GPHN: variants seen among roughly 807,000 people sequenced by gnomAD.
GPHN encodes gephyrin.
In GPHN, 17 loss-of-function variants were observed where a neutral mutation model predicts 95.5. The ratio of observed to expected loss-of-function variants is 0.18; its 90% CI spans 0.12 to 0.27. GPHN has a LOEUF of 0.27. Ranked by LOEUF, GPHN falls within the 10% of genes least tolerant of loss-of-function variation. The probability of loss-of-function intolerance (pLI) is 1.00; values close to 1 mark genes in which losing one functional copy is unlikely to be tolerated. For synonymous variants in GPHN, 320 were observed against 322.5 expected, an observed-to-expected ratio of 0.99 and a Z score of 0.08; for missense variants, 660 against 978.1, an observed-to-expected ratio of 0.67 and a Z score of 4.34.
At chr14:66,610,713 A>G (rs2062744785) in intron 1 of GPHN, among the ~76,000 whole-genome samples, 1 of 152,176 alleles carries the variant, frequency 6.6e-6, no homozygotes, top group Non-Finnish European at 1.5e-5. Context: ...AGGACCACTG[A>G]CATGGGATTT....
intron 10 of GPHN, among the ~76,000 whole-genome samples, chr14:67,047,283 C>G (rs2075067436): frequency 6.6e-6 from 1 of 150,746 alleles, no homozygotes; most frequent in Admixed American, 6.6e-5. Flanking sequence ...GCTATGTTCT[C>G]TCCTATGATC....
the GPHN span, among the ~76,000 whole-genome samples, chr14:67,306,489 G>A: frequency 6.6e-6 from 1 of 150,850 alleles, no homozygotes. Flanking sequence ...GATTACAGGC[G>A]CCCGCCACCA....
intron 8 of GPHN, among the ~76,000 whole-genome samples, chr14:66,934,827 T>C (rs1373786343): frequency 6.6e-6 from 1 of 152,216 alleles, no homozygotes; most frequent in Non-Finnish European, 1.5e-5. Context: ...TTTGGTTACA[T>C]GAGCCAATAA....
the GPHN span, chr14:67,382,638 AAGG>A: frequency 6.2e-7 from 1 of 1,606,452 alleles, no homozygotes; most frequent in South Asian, 1.1e-5. Flanking sequence ...AGGTTCCTAA[AAGG>A]AGTTCTTGTA....
chr14:66,659,226 A>G (rs1031250343), intron 1 of GPHN, among the ~76,000 whole-genome samples: 2 of 151,468 alleles, frequency 1.3e-5, no homozygotes, highest in African/African-American at 4.9e-5. Flanking sequence ...TTCATGGATT[A>G]TTTAGAAGTC....
chr14:67,670,753 C>T, the GPHN span, among the ~76,000 whole-genome samples: 1 of 151,974 alleles, frequency 6.6e-6, no homozygotes, highest in African/African-American at 2.4e-5. Context: ...GGTCTCCATC[C>T]GTGACCTTGT....
chr14:67,595,910 A>G, the GPHN span, among the ~76,000 whole-genome samples: 2 of 152,188 alleles, frequency 1.3e-5, no homozygotes, highest in African/African-American at 4.8e-5. Flanking sequence ...CTTCTTGTTA[A>G]TATAAAAGGT....
chr14:66,731,274 G>A (rs945097185), intron 2 of GPHN, among the ~76,000 whole-genome samples: 9 of 152,210 alleles, frequency 5.9e-5, no homozygotes, highest in African/African-American at 2.2e-4. Context: ...AGGTGGTTGT[G>A]ACTTTGGAAC....
At chr14:67,088,857 T>A in intron 11 of GPHN, 126 bp from the exon 12 acceptor site, 1 of 698,594 alleles carries the variant, frequency 1.4e-6, no homozygotes, top group South Asian at 1.5e-5. Context: ...GGGACAGAAA[T>A]CAGGAGTTCT....
chr14:66,689,154 A>G (rs2067602917), intron 2 of GPHN, among the ~76,000 whole-genome samples: 1 of 152,200 alleles, frequency 6.6e-6, no homozygotes, highest in Non-Finnish European at 1.5e-5. Context: ...TTCCCAAGTC[A>G]GTGTGATGTT....
the GPHN span, among the ~76,000 whole-genome samples, chr14:67,264,753 A>G: frequency 6.6e-6 from 1 of 152,212 alleles, no homozygotes; most frequent in Non-Finnish European, 1.5e-5. Context: ...TGTATGGCCT[A>G]GAATCATGGG....
At chr14:66,668,486 A>G (rs2066099669) in intron 1 of GPHN, among the ~76,000 whole-genome samples, 1 of 152,232 alleles carries the variant, frequency 6.6e-6, no homozygotes, top group South Asian at 2.1e-4. Flanking sequence ...TTGCAGGGAC[A>G]CGGATGGAGC....
intron 5 of GPHN, among the ~76,000 whole-genome samples, chr14:66,899,912 GT>G (rs568118474): frequency 6.6e-6 from 1 of 151,664 alleles, no homozygotes; most frequent in Non-Finnish European, 1.5e-5. Flanking sequence ...TTTTTCTAGA[GT>G]TTTTTTACTA....
At chr14:67,617,033 C>T in the GPHN span, 1 of 152,106 alleles carries the variant, frequency 6.6e-6, no homozygotes, top group Non-Finnish European at 1.5e-5. Flanking sequence ...CGCCACCACG[C>T]CTGGCTAATT....
At chr14:67,636,489 T>A in the GPHN span, among the ~76,000 whole-genome samples, 1 of 152,232 alleles carries the variant, frequency 6.6e-6, no homozygotes, top group Non-Finnish European at 1.5e-5. Context: ...CAGACAATTA[T>A]TATCCATTTC....
At chr14:66,800,260 A>T (rs2060297935) in intron 3 of GPHN, among the ~76,000 whole-genome samples, 1 of 152,078 alleles carries the variant, frequency 6.6e-6, no homozygotes, top group Admixed American at 6.6e-5. Context: ...ACAGTGTTGT[A>T]ATATTCTGTA....
chr14:66,758,877 G>A (rs1467358696), intron 2 of GPHN, among the ~76,000 whole-genome samples: 1 of 152,090 alleles, frequency 6.6e-6, no homozygotes, highest in Non-Finnish European at 1.5e-5. Context: ...TGGTTCACAG[G>A]GTTAGTCTAA....
intron 11 of GPHN, among the ~76,000 whole-genome samples, chr14:67,073,478 G>T (rs114759914): frequency 1.2e-4 from 19 of 152,062 alleles, no homozygotes; most frequent in Non-Finnish European, 2.2e-4. Flanking sequence ...TCCTAAAAAC[G>T]TACCCCTTTC....
the GPHN span, chr14:67,312,607 A>G: frequency 5.6e-6 from 9 of 1,613,772 alleles, no homozygotes; most frequent in East Asian, 1.1e-4. Flanking sequence ...TGTCTTTTCA[A>G]AAAGGTGATA....
Sources: gnomAD v4.1 joint callset for allele counts (sites outside exome capture counted in the v4.1 genomes callset) on GRCh38, gnomAD v4.1.1 for gene constraint, MANE v1.5 for transcripts, NCBI Gene and HGNC (gene_info 2026-07-23, HGNC 2026-07-21) for gene names.